Variants in PTGIS observed in about 807,000 individuals in gnomAD.
The protein encoded by PTGIS is prostacyclin synthase.
PTGIS carries 45 observed loss-of-function variants against 50.3 expected under a neutral mutation model. The observed-to-expected ratio is 0.90, with a 90% CI of 0.70 to 1.15. The LOEUF (loss-of-function observed/expected upper bound fraction) is 1.15, where lower values mean the gene tolerates loss of function less well. Ranked by LOEUF, PTGIS falls within the 50% of genes most tolerant of loss-of-function variation. PTGIS has a pLI of 0.00. For missense variants in PTGIS, 668 were observed against 661.3 expected (o/e 1.01, Z -0.11); for synonymous variants, 260 against 267.7 (o/e 0.97, Z 0.28).
intron 5 of PTGIS, among the ~76,000 whole-genome samples, chr20:49,535,695 T>G (rs544165583): frequency 6.6e-4 from 100 of 152,322 alleles, no homozygotes; most frequent in African/African-American, 2.4e-3. Flanking sequence ...TTTGTATTTT[T>G]GGTAGAGATG....
chr20:49,516,229 A>G (rs1363153366), intron 6 of PTGIS, among the ~76,000 whole-genome samples: 2 of 152,174 alleles, frequency 1.3e-5, no homozygotes, highest in Non-Finnish European at 2.9e-5. Flanking sequence ...GAGGATAAGG[A>G]GGAAGGAGGC....
intron 6 of PTGIS, among the ~76,000 whole-genome samples, chr20:49,521,074 A>G (rs1005845777): frequency 6.6e-6 from 1 of 152,220 alleles, no homozygotes; most frequent in African/African-American, 2.4e-5. Context: ...GGCCTGGCCC[A>G]TGGTAGGTGC....
chr20:49,515,368 T>C (rs1362804491), intron 6 of PTGIS, among the ~76,000 whole-genome samples: 3 of 152,256 alleles, frequency 2.0e-5, no homozygotes, highest in Non-Finnish European at 4.4e-5. Flanking sequence ...CAGTCTTAGC[T>C]GAACATTTTC....
chr20:49,514,855 C>T (rs6125663), intron 6 of PTGIS, among the ~76,000 whole-genome samples: 1 of 152,296 alleles, frequency 6.6e-6, no homozygotes, highest in East Asian at 1.9e-4. Context: ...TTATGCTCAG[C>T]CGTGGACTTG....
intron 5 of PTGIS, among the ~76,000 whole-genome samples, chr20:49,537,615 C>T (rs562869607): frequency 3.5e-4 from 53 of 152,146 alleles, no homozygotes; most frequent in African/African-American, 1.2e-3. Context: ...AATAACCAGG[C>T]GTGGTGGTGC....
At chr20:49,516,911 G>A (rs916451064) in intron 6 of PTGIS, among the ~76,000 whole-genome samples, 4 of 152,240 alleles carry the variant, frequency 2.6e-5, no homozygotes, top group African/African-American at 7.2e-5. Flanking sequence ...TCCCTGGACT[G>A]AGACCAGGTA....
chr20:49,518,959 G>A (rs921968494), intron 6 of PTGIS, among the ~76,000 whole-genome samples: 4 of 152,182 alleles, frequency 2.6e-5, no homozygotes, highest in African/African-American at 4.8e-5. Flanking sequence ...GGCTGCTGAG[G>A]ATGTGATGGG....
intron 9 of PTGIS, among the ~76,000 whole-genome samples, chr20:49,509,413 A>G (rs1981249357): frequency 6.6e-6 from 1 of 152,222 alleles, no homozygotes; most frequent in Admixed American, 6.5e-5. Context: ...GGCACCATCT[A>G]AGCATTTAGT....
intron 5 of PTGIS, among the ~76,000 whole-genome samples, chr20:49,534,236 T>G (rs1982012280): frequency 6.6e-6 from 1 of 152,230 alleles, no homozygotes; most frequent in Non-Finnish European, 1.5e-5. Context: ...CAAGCATTTA[T>G]GTAGGATAAA....
At chr20:49,560,201 C>T (rs937072936) in intron 1 of PTGIS, among the ~76,000 whole-genome samples, 33 of 152,092 alleles carry the variant, frequency 2.2e-4, no homozygotes, top group East Asian at 9.6e-4. Flanking sequence ...GGATTACAGG[C>T]GTGAGCCACC....
At chr20:49,558,306 T>C (rs2122900833) in intron 1 of PTGIS, among the ~76,000 whole-genome samples, 1 of 152,244 alleles carries the variant, frequency 6.6e-6, no homozygotes, top group South Asian at 2.1e-4. Context: ...GGGGGATCAC[T>C]TGAGCCTGGG....
chr20:49,560,564 G>A (rs1417258308), intron 1 of PTGIS, among the ~76,000 whole-genome samples: 2 of 151,674 alleles, frequency 1.3e-5, no homozygotes, highest in East Asian at 2.0e-4. Flanking sequence ...AAAACAGGGT[G>A]GTGTGAGACA....
intron 6 of PTGIS, among the ~76,000 whole-genome samples, chr20:49,518,041 T>A (rs928718582): frequency 1.3e-5 from 2 of 152,168 alleles, no homozygotes; most frequent in African/African-American, 4.8e-5. Context: ...CTCCATGGGA[T>A]TGCTAAATTG....
At chr20:49,553,574 C>A (rs999459905) in intron 1 of PTGIS, among the ~76,000 whole-genome samples, 4 of 151,702 alleles carry the variant, frequency 2.6e-5, no homozygotes, top group African/African-American at 7.3e-5. Context: ...ATAATAGATA[C>A]CCATTAAATG....
intron 3 of PTGIS, among the ~76,000 whole-genome samples, chr20:49,546,422 A>G (rs1982361428): frequency 1.3e-5 from 2 of 152,226 alleles, no homozygotes; most frequent in South Asian, 4.1e-4. Context: ...TGTCTCATCA[A>G]CATCCACTTC....
intron 5 of PTGIS, among the ~76,000 whole-genome samples, chr20:49,535,476 AAC>A (rs1207178988): frequency 1.3e-5 from 2 of 152,230 alleles, no homozygotes; most frequent in African/African-American, 4.8e-5. Flanking sequence ...TAACTACTGA[AAC>A]AGCCATGTGA....
chr20:49,536,469 TC>T (rs1476783089), intron 5 of PTGIS, among the ~76,000 whole-genome samples: 9 of 139,914 alleles, frequency 6.4e-5, no homozygotes, highest in Non-Finnish European at 1.2e-4. Flanking sequence ...TTTCTTTCTT[TC>T]TTTCTTTCTT....
chr20:49,526,668 G>A (rs1420050597), intron 5 of PTGIS, among the ~76,000 whole-genome samples: 1 of 152,126 alleles, frequency 6.6e-6, no homozygotes, highest in Non-Finnish European at 1.5e-5. Flanking sequence ...AATTGGCAAA[G>A]GACTTGAATA....
At chr20:49,531,653 G>A (rs887778900) in intron 5 of PTGIS, among the ~76,000 whole-genome samples, 1 of 152,096 alleles carries the variant, frequency 6.6e-6, no homozygotes, top group African/African-American at 2.4e-5. Context: ...TTTGAGACAA[G>A]GTCTTGCTCT....
Sources: gnomAD v4.1 joint callset for allele counts (sites outside exome capture counted in the v4.1 genomes callset) on GRCh38, gnomAD v4.1.1 for gene constraint, MANE v1.5 for transcripts, NCBI Gene and HGNC (gene_info 2026-07-23, HGNC 2026-07-21) for gene names.